ZBTB20: variants seen among roughly 807,000 people sequenced by gnomAD.
The protein encoded by ZBTB20 is zinc finger and BTB domain containing 20, also known as zinc finger and BTB domain-containing protein 20.
A neutral mutation model predicts 56.9 loss-of-function variants in ZBTB20; 9 were observed. The observed-to-expected ratio is 0.16, with a 90% CI of 0.10 to 0.28. The LOEUF is 0.28. Ranked by LOEUF, ZBTB20 falls within the 10% of genes least tolerant of loss-of-function variation. The pLI is 1.00. For missense variants in ZBTB20, 655 were observed against 1,003.0 expected, an observed-to-expected ratio of 0.65 and a Z score of 4.69; for synonymous variants, 417 against 420.7, an observed-to-expected ratio of 0.99 and a Z score of 0.11.
At chr3:115,027,365 C>T (rs1192832097) in intron 2 of ZBTB20, 1 of 150,880 alleles carries the variant, frequency 6.6e-6, no homozygotes, top group Non-Finnish European at 1.5e-5. Context: ...GAAATCAATG[C>T]TACTGAATCA....
At chr3:114,786,039 G>A (rs1248751420) in intron 5 of ZBTB20, among the ~76,000 whole-genome samples, 2 of 151,636 alleles carry the variant, frequency 1.3e-5, no homozygotes, top group African/African-American at 2.4e-5. Flanking sequence ...TGTACAGGAC[G>A]TGCAGGTTTG....
At chr3:114,801,591 G>T (rs2108842471) in intron 4 of ZBTB20, among the ~76,000 whole-genome samples, 1 of 151,798 alleles carries the variant, frequency 6.6e-6, no homozygotes, top group Admixed American at 6.6e-5. Flanking sequence ...CTATGGGTCT[G>T]AATACACATA....
intron 4 of ZBTB20, among the ~76,000 whole-genome samples, chr3:114,866,052 C>T (rs2075749428): frequency 6.6e-6 from 1 of 152,160 alleles, no homozygotes. Flanking sequence ...AGGCAAACAG[C>T]TTAAGTTCAA....
intron 5 of ZBTB20, among the ~76,000 whole-genome samples, chr3:114,722,288 A>G (rs2064973048): frequency 6.6e-6 from 1 of 152,202 alleles, no homozygotes; most frequent in Non-Finnish European, 1.5e-5. Flanking sequence ...TAGCTACCTT[A>G]CTGGATTCAG....
In ZBTB20 at chr3:114,326,853, A is replaced by G. The variant is rs916584451; in HGVS notation, c.*12152T>C. The G allele has an allele frequency of 2.0e-5, 3 of 152,182 alleles. No individual in the cohort carries two copies. The highest frequency in any genetic ancestry group is 4.4e-5 in the Non-Finnish European group (3 of 68,030). The allele number at this position is 152,182 out of a possible 1,614,324, so 9.4% of individuals were successfully genotyped here. A position where few individuals can be genotyped will look rare whatever the true frequency, so the allele number is the denominator to read the frequency against. ...AGTGCAGAAAATAAACTTGTTTGCT[A>G]CCAGCCTCAATCTCAGAACATTTCC... On this transcript the variant is annotated 3_prime_UTR_variant, in exon 12 of 12. Coordinates refer to ENST00000675478, the MANE Select transcript of ZBTB20 (RefSeq NM_001348800.3).
At chr3:114,479,992 T>C (rs2041345906) in intron 7 of ZBTB20, among the ~76,000 whole-genome samples, 1 of 152,232 alleles carries the variant, frequency 6.6e-6, no homozygotes, top group Non-Finnish European at 1.5e-5. Context: ...TCTCAACCTT[T>C]GCTTTCAGAC....
chr3:114,521,080 G>C (rs1226073742), intron 6 of ZBTB20, among the ~76,000 whole-genome samples: 2 of 152,094 alleles, frequency 1.3e-5, no homozygotes, highest in African/African-American at 4.8e-5. Flanking sequence ...TAAAAGCCTA[G>C]TTTTCTTTAC....
chr3:115,082,208 A>T (rs942553912), intron 1 of ZBTB20, among the ~76,000 whole-genome samples: 3 of 152,240 alleles, frequency 2.0e-5, no homozygotes, highest in Non-Finnish European at 4.4e-5. Flanking sequence ...ATGCAATCAC[A>T]AACAAGTTCT....
intron 2 of ZBTB20, among the ~76,000 whole-genome samples, chr3:115,070,946 G>A (rs1238876063): frequency 1.3e-5 from 2 of 150,902 alleles, no homozygotes; most frequent in African/African-American, 4.9e-5. Flanking sequence ...CTTATGTGAT[G>A]GAGTAAATCA....
chr3:114,576,371 G>A (rs1477107486), intron 6 of ZBTB20, among the ~76,000 whole-genome samples: 6 of 150,892 alleles, frequency 4.0e-5, no homozygotes, highest in South Asian at 2.1e-4. Flanking sequence ...GCGTGGTGGC[G>A]GGCGCCTGTA....
At chr3:114,848,263 C>T (rs748082887) in intron 4 of ZBTB20, among the ~76,000 whole-genome samples, 2 of 151,992 alleles carry the variant, frequency 1.3e-5, no homozygotes, top group African/African-American at 4.8e-5. Context: ...TGAACACATG[C>T]GGGCAGGTAA....
intron 5 of ZBTB20, among the ~76,000 whole-genome samples, chr3:114,715,595 G>A (rs1560162070): frequency 1.3e-5 from 2 of 152,170 alleles, no homozygotes; most frequent in East Asian, 3.8e-4. Context: ...TCCCCAACAG[G>A]TGAACGTTAA....
chr3:114,751,524 T>C (rs1198022546), intron 5 of ZBTB20, among the ~76,000 whole-genome samples: 1 of 152,162 alleles, frequency 6.6e-6, no homozygotes, highest in South Asian at 2.1e-4. Flanking sequence ...TTTGCTATTA[T>C]GCTAAATCAC....
intron 8 of ZBTB20, chr3:114,383,468 T>C (rs1024491745): frequency 6.6e-6 from 1 of 152,270 alleles, no homozygotes. Flanking sequence ...ACCTGACATC[T>C]TGTATCACAC....
At chr3:114,849,629 AATG>A (rs1307905652) in intron 4 of ZBTB20, among the ~76,000 whole-genome samples, 1 of 152,244 alleles carries the variant, frequency 6.6e-6, no homozygotes, top group Non-Finnish European at 1.5e-5. Context: ...ACTCAAGGAA[AATG>A]ATATATGCTT....
At chr3:114,833,004 G>A (rs2073936280) in intron 4 of ZBTB20, among the ~76,000 whole-genome samples, 1 of 152,118 alleles carries the variant, frequency 6.6e-6, no homozygotes, top group South Asian at 2.1e-4. Context: ...GCTTGATGCT[G>A]AAGTAAAGCT....
intron 4 of ZBTB20, among the ~76,000 whole-genome samples, chr3:114,871,804 G>C (rs1040757998): frequency 6.6e-6 from 1 of 151,884 alleles, no homozygotes; most frequent in Non-Finnish European, 1.5e-5. Flanking sequence ...TCATCTTATT[G>C]CAACACCACA....
chr3:114,662,407 T>G (rs1258866877), intron 6 of ZBTB20, among the ~76,000 whole-genome samples: 3 of 145,278 alleles, frequency 2.1e-5, no homozygotes, highest in African/African-American at 7.7e-5. Context: ...TATAGTCCTT[T>G]GGGTATATAC....
rs568218507 is a variant in ZBTB20, at chr3:115,109,451, T to G, written c.-703+37768A>C. On this transcript the variant is annotated intron_variant, in intron 1 of 11. Coordinates refer to ENST00000675478, the MANE Select transcript of ZBTB20 (RefSeq NM_001348800.3). ...GCTACTATTAATAAGAATGCTTTAT[T>G]AAAAGTTATCTCTACTACATGTGTC... is the stretch of plus-strand genomic sequence containing the variant. Among the ~76,000 whole-genome samples, 21 of 152,308 alleles carry G rather than the reference T, an allele frequency of 1.4e-4. No individual in the cohort carries two copies. The East Asian group carries it at 3.5e-3, about 25-fold the overall frequency.
Sources: allele counts gnomAD v4.1 joint callset (sites outside exome capture counted in the v4.1 genomes callset), GRCh38; gene constraint gnomAD v4.1.1; transcripts MANE v1.5; gene names NCBI Gene and HGNC (gene_info 2026-07-23, HGNC 2026-07-21).